The following CTNNBL1 variants were observed in gnomAD, a reference collection of about 807,000 sequenced individuals.
CTNNBL1 encodes the protein beta-catenin-like protein 1.
In CTNNBL1, 31 loss-of-function variants were observed where a neutral mutation model predicts 72.7. The ratio of observed to expected loss-of-function variants is 0.43; its 90% confidence interval spans 0.32 to 0.58. The LOEUF (loss-of-function observed/expected upper bound fraction) is 0.58. Ranked by LOEUF, CTNNBL1 falls within the 20% of genes least tolerant of loss-of-function variation. The pLI is 0.08. For synonymous variants in CTNNBL1, 240 were observed against 267.3 expected (o/e 0.90, Z 1.00); for missense variants, 534 against 725.1 (o/e 0.74, Z 3.03).
At chr20:37,795,256 C>G (rs1025947726) in intron 10 of CTNNBL1, among the ~76,000 whole-genome samples, 1 of 151,762 alleles carries the variant, frequency 6.6e-6, no homozygotes, top group Non-Finnish European at 1.5e-5. Flanking sequence ...AAATGATCCT[C>G]CCACCTCAGC....
intron 7 of CTNNBL1, among the ~76,000 whole-genome samples, chr20:37,770,667 A>G (rs1314402318): frequency 6.6e-6 from 1 of 152,102 alleles, no homozygotes; most frequent in African/African-American, 2.4e-5. Context: ...TAGTTTAGCA[A>G]GCTATTGACT....
At chr20:37,785,287 T>C (rs1168331554) in intron 10 of CTNNBL1, among the ~76,000 whole-genome samples, 1 of 152,228 alleles carries the variant, frequency 6.6e-6, no homozygotes, top group Non-Finnish European at 1.5e-5. Flanking sequence ...AACCTTTTGT[T>C]CTTGCATATT....
chr20:37,700,123 T>A (rs764023678), intron 1 of CTNNBL1, among the ~76,000 whole-genome samples: 4 of 152,158 alleles, frequency 2.6e-5, no homozygotes, highest in Non-Finnish European at 4.4e-5. Flanking sequence ...TCTGGGAGAT[T>A]TGGGTTTTAA....
intron 10 of CTNNBL1, among the ~76,000 whole-genome samples, chr20:37,791,012 G>GT (rs1340328157): frequency 6.6e-6 from 1 of 152,190 alleles, no homozygotes; most frequent in East Asian, 1.9e-4. Context: ...GAGTCATACA[G>GT]TGTGTTCCTT....
intron 6 of CTNNBL1, among the ~76,000 whole-genome samples, 200 bp from the exon 7 acceptor site, chr20:37,767,753 T>A (rs2073483613): frequency 6.6e-6 from 1 of 152,202 alleles, no homozygotes; most frequent in Admixed American, 6.5e-5. Flanking sequence ...CATTTTCAGT[T>A]ATGAGTTTTA....
At chr20:37,777,620 AT>A (rs769674565) in intron 8 of CTNNBL1, 33 bp from the exon 9 acceptor site, 7 of 1,602,656 alleles carry the variant, frequency 4.4e-6, no homozygotes, top group Non-Finnish European at 5.1e-6. Context: ...AGTTAGGTTC[AT>A]TTTTTTTCTT....
chr20:37,846,162 A>G (rs1217057706), intron 13 of CTNNBL1, among the ~76,000 whole-genome samples: 1 of 151,726 alleles, frequency 6.6e-6, no homozygotes, highest in Non-Finnish European at 1.5e-5. Context: ...GGGAGAGGTC[A>G]TCTAAGGCTA....
intron 13 of CTNNBL1, among the ~76,000 whole-genome samples, chr20:37,857,531 A>G (rs2072453571): frequency 6.6e-6 from 1 of 152,268 alleles, no homozygotes; most frequent in African/African-American, 2.4e-5. Context: ...CATCAAAGAT[A>G]GAGGCCTCAT....
chr20:37,780,847 C>A (rs2073619328), intron 10 of CTNNBL1, among the ~76,000 whole-genome samples: 2 of 152,136 alleles, frequency 1.3e-5, no homozygotes, highest in East Asian at 3.8e-4. Context: ...ATTTGAGGAT[C>A]TGACCTCCTA....
intron 10 of CTNNBL1, among the ~76,000 whole-genome samples, chr20:37,787,589 A>C (rs931803626): frequency 2.0e-5 from 3 of 152,032 alleles, no homozygotes; most frequent in Non-Finnish European, 4.4e-5. Flanking sequence ...CGTGATCCGC[A>C]CGCCTTGGCC....
In CTNNBL1 at chr20:37,708,101, A is replaced by C. The variant is rs1210221153; in HGVS notation, c.30+13949A>C. ...CCATAGCAGATATGATAATAATGAAAAAGTTTGAAACATTGCAGTAATTGT... is the reference window on the plus strand; with the variant it reads ...CCATAGCAGATATGATAATAATGAACAAGTTTGAAACATTGCAGTAATTGT... On this transcript the variant is annotated intron_variant, in intron 1 of 15. Transcript: ENST00000361383. Among the ~76,000 whole-genome samples, 9 of 152,380 alleles carry C rather than the reference A, an allele frequency of 5.9e-5. No homozygotes were observed. In the South Asian group the frequency reaches 1.7e-3, roughly 28 times the overall value.
intron 5 of CTNNBL1, among the ~76,000 whole-genome samples, chr20:37,761,926 T>C (rs897158889): frequency 2.0e-5 from 3 of 152,166 alleles, no homozygotes; most frequent in Non-Finnish European, 2.9e-5. Flanking sequence ...GGGCCAGTCT[T>C]GTTAATGTGC....
intron 10 of CTNNBL1, among the ~76,000 whole-genome samples, chr20:37,780,704 A>G (rs931946049): frequency 6.6e-6 from 1 of 152,190 alleles, no homozygotes; most frequent in African/African-American, 2.4e-5. Flanking sequence ...TTTTGTGTTT[A>G]AAATGATGTT....
chr20:37,731,477 T>C (rs2073128060), intron 1 of CTNNBL1, among the ~76,000 whole-genome samples: 1 of 152,112 alleles, frequency 6.6e-6, no homozygotes, highest in African/African-American at 2.4e-5. Context: ...TCAGGTGATC[T>C]GCCCGCCTCA....
intron 13 of CTNNBL1, among the ~76,000 whole-genome samples, chr20:37,843,500 G>T (rs542966531): frequency 6.6e-6 from 1 of 152,290 alleles, no homozygotes; most frequent in South Asian, 2.1e-4. Flanking sequence ...CAGTGACCTT[G>T]TTATCTGTCC....
At chr20:37,796,851 C>T (rs7267169) in intron 10 of CTNNBL1, among the ~76,000 whole-genome samples, 9 of 152,068 alleles carry the variant, frequency 5.9e-5, no homozygotes, top group South Asian at 2.1e-4. Flanking sequence ...GGGAAGAGAC[C>T]GCATAATGCA....
chr20:37,802,215 C>T (rs2073828737), intron 10 of CTNNBL1, among the ~76,000 whole-genome samples: 1 of 152,138 alleles, frequency 6.6e-6, no homozygotes, highest in South Asian at 2.1e-4. Flanking sequence ...ATGGATGAAC[C>T]TTGAAAACAT....
At chr20:37,705,366 C>T (rs1337098113) in intron 1 of CTNNBL1, among the ~76,000 whole-genome samples, 1 of 152,204 alleles carries the variant, frequency 6.6e-6, no homozygotes, top group Non-Finnish European at 1.5e-5. Context: ...CTAAGTAGTA[C>T]AGTGCCTGAC....
chr20:37,801,261 T>C (rs2073821211), intron 10 of CTNNBL1, among the ~76,000 whole-genome samples: 2 of 152,232 alleles, frequency 1.3e-5, no homozygotes, highest in Non-Finnish European at 2.9e-5. Context: ...GATTTAGCTT[T>C]TTTTTTTGGA....
Sources: gnomAD v4.1 joint callset for allele counts (sites outside exome capture counted in the v4.1 genomes callset) on GRCh38, gnomAD v4.1.1 for gene constraint, MANE v1.5 for transcripts, NCBI Gene and HGNC (gene_info 2026-07-23, HGNC 2026-07-21) for gene names.